Variants in CENPF observed in about 807,000 individuals in gnomAD.
CENPF encodes the protein centromere protein F.
Under a neutral mutation model 307.3 loss-of-function variants are expected in CENPF, and 214 were observed. The observed-to-expected ratio is 0.70, with a 90% CI of 0.62 to 0.78. CENPF has a LOEUF of 0.78. CENPF is among the 30% of genes least tolerant of loss of function. The probability of loss-of-function intolerance (pLI) is 0.00; values close to 1 mark genes in which losing one functional copy is unlikely to be tolerated. For missense variants in CENPF, 3,401 were observed against 3,483.9 expected, an observed-to-expected ratio of 0.98 and a Z score of 0.60; for synonymous variants, 1,259 against 1,270.6, an observed-to-expected ratio of 0.99 and a Z score of 0.19.
intron 8 of CENPF, among the ~76,000 whole-genome samples, chr1:214,630,210 G>C (rs1402958379): frequency 6.6e-6 from 1 of 152,146 alleles, no homozygotes; most frequent in African/African-American, 2.4e-5. Flanking sequence ...TTTGACTGTT[G>C]TAGCTCAGTT....
At position 214,653,190 on chromosome 1, in the gene CENPF, T is replaced by G. The variant is rs1558190593; in HGVS notation, c.8322+201T>G. On this transcript the variant is annotated intron_variant, in intron 16 of 19. Coordinates refer to ENST00000366955, the MANE Select transcript of CENPF (RefSeq NM_016343.4). ...CTACAGTCTCATAGCTTGAATAAGC[T>G]ATCCATTGCCTCATGCATCCTCTCA... is the stretch of plus-strand genomic sequence containing the variant. The G allele has an allele frequency of 1.4e-5, 8 of 563,352 alleles. No homozygotes were observed. In the East Asian group the frequency reaches 2.7e-4, roughly 19 times the overall value. 34.9% of individuals were successfully genotyped at this position (563,352 alleles called of 1,614,324 possible).
chr1:214,655,693 C>T (rs535413097), intron 17 of CENPF, among the ~76,000 whole-genome samples: 7 of 152,082 alleles, frequency 4.6e-5, no homozygotes, highest in Non-Finnish European at 8.8e-5. Flanking sequence ...GACCTCAAAG[C>T]GATCCTCCCA....
intron 1 of CENPF, among the ~76,000 whole-genome samples, chr1:214,611,038 T>G (rs1477389684): frequency 2.0e-5 from 3 of 152,190 alleles, no homozygotes; most frequent in Admixed American, 2.0e-4. Context: ...CATTGGTCTA[T>G]GTGTCTGATT....
intron 15 of CENPF, among the ~76,000 whole-genome samples, chr1:214,652,149 C>T (rs1365785433): frequency 2.0e-5 from 3 of 147,888 alleles, no homozygotes; most frequent in Non-Finnish European, 4.4e-5. Flanking sequence ...CATTCTCCTA[C>T]CTCAGCCTCC....
Position 214,640,701 on chromosome 1 carries a change from A to C in CENPF, c.2363A>C (p.Asp788Ala). The C allele has an allele frequency of 6.2e-7, 1 of 1,614,080 alleles. No individual in the cohort carries two copies. The change falls in exon 12 of 20, where the codon GAT becomes GCT. Residue 788 changes from aspartate (D) to alanine (A), a missense_variant. Coordinates refer to ENST00000366955, the MANE Select transcript of CENPF (RefSeq NM_016343.4). ...EDHQRSLLAF[D>A]QQPAMHHSFA... ...CATCAGAGAAGTCTTTTGGCTTTTG[A>C]TCAGCAGCCTGCCATGCATCATTCC...
intron 16 of CENPF, chr1:214,655,033 AAG>A: frequency 2.9e-6 from 1 of 345,952 alleles, no homozygotes; most frequent in Non-Finnish European, 5.2e-6. Context: ...GATACTAAGA[AAG>A]AGAATGACAA....
chr1:214,635,490 A>G (rs1353781715), intron 10 of CENPF, among the ~76,000 whole-genome samples: 1 of 152,232 alleles, frequency 6.6e-6, no homozygotes, highest in Non-Finnish European at 1.5e-5. Flanking sequence ...GGAGATGCCT[A>G]GGAAAATGTA....
chr1:214,663,276 A>C (rs570015145), intron 19 of CENPF, among the ~76,000 whole-genome samples: 2 of 152,194 alleles, frequency 1.3e-5, no homozygotes, highest in African/African-American at 2.4e-5. Flanking sequence ...CAGGTTTTTC[A>C]CTTAGGAATT....
At chr1:214,647,579 C>T (rs1658349002) in intron 13 of CENPF, among the ~76,000 whole-genome samples, 179 bp downstream of exon 13, 1 of 152,162 alleles carries the variant, frequency 6.6e-6, no homozygotes, top group Non-Finnish European at 1.5e-5. Flanking sequence ...TTGGCTCTGG[C>T]AGTAGTCACT....
Position 214,646,336 on chromosome 1 carries a change from A to G in CENPF, c.6766A>G (p.Thr2256Ala), listed in dbSNP as rs1658299970. ...AEIQIKEESK[T>A]AVEMLQNQLK... ...GATACAGATCAAAGAAGAATCTAAAACTGCAGTGGAGATGCTTCAGAATCA... is the reference window on the plus strand; with the variant it reads ...GATACAGATCAAAGAAGAATCTAAAGCTGCAGTGGAGATGCTTCAGAATCA... Residue 2256 changes from threonine to alanine, a missense_variant, in exon 13 of 20, where the codon ACT becomes GCT. Physicochemically the swap from Thr to Ala is moderately conservative, Grantham distance 58 (BLOSUM62 0). Transcript: ENST00000366955. 1 of 1,613,958 alleles carries G rather than the reference A, an allele frequency of 6.2e-7. No individual in the cohort carries two copies. Among genetic ancestry groups the G allele is most frequent in the African/African-American group, 1.3e-5 (1 of 74,998 alleles).
At chr1:214,656,593 T>G (rs527332278) in intron 17 of CENPF, among the ~76,000 whole-genome samples, 2 of 152,278 alleles carry the variant, frequency 1.3e-5, no homozygotes, top group East Asian at 3.9e-4. Context: ...CAGAATGGAC[T>G]GGGGAAAATA....
chr1:214,644,434 C>A, intron 12 of CENPF, 123 bp from the exon 13 acceptor site: 6 of 860,886 alleles, frequency 7.0e-6, no homozygotes, highest in Non-Finnish European at 1.0e-5. Context: ...GGAAATTCAC[C>A]ACTTTAAGAG....
intron 19 of CENPF, among the ~76,000 whole-genome samples, chr1:214,660,495 T>C (rs1402064495): frequency 6.6e-6 from 1 of 152,238 alleles, no homozygotes; most frequent in Non-Finnish European, 1.5e-5. Flanking sequence ...GCTTCTCTTT[T>C]AAGCAACTAG....
chr1:214,642,190 C>G lies in CENPF; in HGVS notation c.3852C>G (p.Asn1284Lys), dbSNP rs773607844. ...SGPHELSTSQ[N>K]DNAHLQCSLQ... The stretch of plus-strand genomic sequence containing the variant: ...CTCATGAGTTGTCAACAAGTCAAAA[C>G]GACAATGCACACCTTCAGTGCTCTC... The change falls in exon 12 of 20, where the codon AAC becomes AAG. Residue 1284 changes from asparagine to lysine, a missense_variant. Asn to Lys is a moderately conservative substitution (Grantham distance 94). Transcript: ENST00000366955. 14 of 1,614,102 alleles carry G rather than the reference C, an allele frequency of 8.7e-6. No homozygotes were observed. In the South Asian group the frequency reaches 1.5e-4, roughly 18 times the overall value.
rs183027531 is a variant in CENPF at position 214,604,816 on chromosome 1, A to T, written c.-42+1495A>T. ...TTTGGGATAAATGGGAGTGGAATAC[A>T]AGATGCTGTGTTCCAAGAACTGAGA... is the stretch of plus-strand genomic sequence containing the variant. On this transcript the variant is annotated intron_variant, in intron 1 of 19. Transcript: ENST00000366955. Among the ~76,000 whole-genome samples the T allele has an allele frequency of 3.6e-3, 542 of 152,290 alleles. 2 individuals are homozygous for T. The highest frequency in any genetic ancestry group is 0.013 in the African/African-American group (530 of 41,556).
chr1:214,609,313 G>A (rs552525784), intron 1 of CENPF, among the ~76,000 whole-genome samples: 41 of 152,296 alleles, frequency 2.7e-4, no homozygotes, highest in African/African-American at 9.1e-4. Flanking sequence ...TACTAATACG[G>A]CATTCACTCT....
At position 214,640,400 on chromosome 1, in the gene CENPF, A is replaced by C. The variant is rs1199120042; in HGVS notation, c.2062A>C (p.Ser688Arg). Residue 688 changes from serine to arginine, a missense_variant, in exon 12 of 20, where the codon AGT becomes CGT. Physicochemically the swap from Ser to Arg is moderately radical, Grantham distance 110. Coordinates refer to ENST00000366955, the MANE Select transcript of CENPF (RefSeq NM_016343.4). ...CAGAAACCTTCACAACGTGTTAGACAGTAAGTCAGTGGAGGTAGAGACCCA... is the reference window on the plus strand; with the variant it reads ...CAGAAACCTTCACAACGTGTTAGACCGTAAGTCAGTGGAGGTAGAGACCCA... ...EIRNLHNVLD[S>R]KSVEVETQKL... is the part of the protein sequence containing the mutation. 6.2e-7 allele frequency: 1 copy of C among 1,613,952 alleles called. No homozygotes were observed. The highest frequency in any genetic ancestry group is 1.7e-5 in the Admixed American group (1 of 59,998).
chr1:214,612,999 T>TCA (rs1657238593), intron 1 of CENPF: 1 of 323,160 alleles, frequency 3.1e-6, no homozygotes, highest in Non-Finnish European at 5.9e-6. Context: ...TGAAGGAGTG[T>TCA]CACATTTTCT....
intron 6 of CENPF, among the ~76,000 whole-genome samples, chr1:214,621,173 C>T (rs1657494298): frequency 6.6e-6 from 1 of 152,186 alleles, no homozygotes; most frequent in Non-Finnish European, 1.5e-5. Context: ...GCCTGGAAGC[C>T]TCTAAAGTAC....
Sources: allele counts gnomAD v4.1 joint callset (sites outside exome capture counted in the v4.1 genomes callset), GRCh38; gene constraint gnomAD v4.1.1; transcripts MANE v1.5; gene names NCBI Gene and HGNC (gene_info 2026-07-23, HGNC 2026-07-21).